MIS18BP1: variants seen among roughly 807,000 people sequenced by gnomAD.
MIS18BP1 encodes MIS18 binding protein 1.
Under a neutral mutation model 116.1 loss-of-function variants are expected in MIS18BP1, and 72 were observed. The ratio of observed to expected loss-of-function variants is 0.62; its 90% CI spans 0.51 to 0.75. The LOEUF (loss-of-function observed/expected upper bound fraction) is 0.75, where lower values mean the gene tolerates loss of function less well. MIS18BP1 is among the 30% of genes least tolerant of loss of function. MIS18BP1 has a pLI of 0.00. For missense variants in MIS18BP1, 1,363 were observed against 1,303.2 expected, an observed-to-expected ratio of 1.05 and a Z score of -0.71; for synonymous variants, 386 against 427.0, an observed-to-expected ratio of 0.90 and a Z score of 1.18.
chr14:45,233,874 A>T (rs74853049), intron 6 of MIS18BP1, among the ~76,000 whole-genome samples: 2,697 of 152,258 alleles, frequency 0.018, 93 homozygotes, highest in African/African-American at 0.061. Flanking sequence ...TGAATTGGGT[A>T]CTAAGGGGAG....
At chr14:45,225,402 G>T (rs576038072) in intron 10 of MIS18BP1, among the ~76,000 whole-genome samples, 77 of 151,620 alleles carry the variant, frequency 5.1e-4, no homozygotes, top group African/African-American at 1.7e-3. Flanking sequence ...TTTTTTGCTG[G>T]AGTTAGTACA....
At chr14:45,223,570 C>T (rs541107408) in intron 11 of MIS18BP1, among the ~76,000 whole-genome samples, 3 of 152,086 alleles carry the variant, frequency 2.0e-5, no homozygotes, top group African/African-American at 7.2e-5. Flanking sequence ...GGCGAGACTC[C>T]GTCTCAATCA....
In MIS18BP1 at chr14:45,246,814, A is replaced by G. The variant is rs2139249247; in HGVS notation, c.473T>C (p.Leu158Ser). 5.0e-6 allele frequency: 8 copies of G among 1,591,872 alleles called. No individual in the cohort carries two copies. The highest frequency in any genetic ancestry group is 6.8e-6 in the Non-Finnish European group (8 of 1,174,400). Residue 158 changes from leucine (L) to serine (S), a missense_variant, in exon 2 of 17, where the codon TTG becomes TCG. By Grantham distance (145) the Leu-to-Ser change is moderately radical. Transcript: ENST00000310806. Reference protein sequence around the residue: ...FTPNRVEKKKLQHTYLCEEKE... With the variant: ...FTPNRVEKKKSQHTYLCEEKE... Reference sequence around the variant, plus strand: ...TTCTTCACATAGGTAGGTATGCTGCAATTTTTTTTTTTCAACTCTGTTAGG... The same window carrying G: ...TTCTTCACATAGGTAGGTATGCTGCGATTTTTTTTTTTCAACTCTGTTAGG...
Position 45,242,864 on chromosome 14 carries a change from T to A in MIS18BP1, c.555A>T (p.Gln185His), listed in dbSNP as rs1891622249. 6.2e-7 allele frequency: 1 copy of A among 1,601,634 alleles called. No individual in the cohort carries two copies. Among genetic ancestry groups the A allele is most frequent in the African/African-American group, 1.3e-5 (1 of 74,294 alleles). ...SDDSSLRASV[Q>H]GVPLESSNND... ...TATTTGATGATTCTAGAGGAACTCCTTGGACTGAGGCTAAGGTTTTATTTT... is the reference window on the plus strand; with the variant it reads ...TATTTGATGATTCTAGAGGAACTCCATGGACTGAGGCTAAGGTTTTATTTT... The change falls in exon 3 of 17, where the codon CAA (glutamine) becomes CAT (histidine). Residue 185 changes from glutamine (Q) to histidine (H), a missense_variant. By Grantham distance (24) the Gln-to-His change is conservative (BLOSUM62 0). Coordinates refer to ENST00000310806, the MANE Select transcript of MIS18BP1 (RefSeq NM_018353.5).
chr14:45,212,019 T>C (rs1034688849), intron 13 of MIS18BP1, among the ~76,000 whole-genome samples: 1 of 152,174 alleles, frequency 6.6e-6, no homozygotes. Context: ...CTGTTTAGAC[T>C]TAGCTGTTGG....
intron 7 of MIS18BP1, among the ~76,000 whole-genome samples, chr14:45,231,982 CT>C (rs1336515345): frequency 1.3e-5 from 2 of 152,052 alleles, no homozygotes; most frequent in African/African-American, 2.4e-5. Context: ...AACTGCATGC[CT>C]TCTGAAGGGT....
At chr14:45,251,033 C>A (rs1891858705) in intron 1 of MIS18BP1, among the ~76,000 whole-genome samples, 1 of 128,022 alleles carries the variant, frequency 7.8e-6, no homozygotes, top group South Asian at 2.5e-4. Context: ...CAAGACTCTG[C>A]CTCAAAAAAA....
chr14:45,249,300 C>T (rs375613237), intron 1 of MIS18BP1, among the ~76,000 whole-genome samples: 2 of 152,118 alleles, frequency 1.3e-5, no homozygotes, highest in South Asian at 2.1e-4. Context: ...CCATATTGGT[C>T]AGGCTGGTCT....
At chr14:45,227,567 A>G (rs1310898070) in intron 9 of MIS18BP1, 96 bp downstream of exon 9, 3 of 1,015,246 alleles carry the variant, frequency 3.0e-6, no homozygotes, top group Non-Finnish European at 4.2e-6. Context: ...AAAAAAAAAC[A>G]GAACTCACGT....
At chr14:45,231,047 C>T (rs1424721419) in intron 8 of MIS18BP1, 94 bp downstream of exon 8, 7 of 1,315,558 alleles carry the variant, frequency 5.3e-6, no homozygotes, top group Non-Finnish European at 6.3e-6. Flanking sequence ...CTATACTATA[C>T]ACATTACTAC....
At chr14:45,222,588 AGG>A (rs1891004207) in intron 11 of MIS18BP1, among the ~76,000 whole-genome samples, 1 of 152,190 alleles carries the variant, frequency 6.6e-6, no homozygotes, top group Non-Finnish European at 1.5e-5. Flanking sequence ...CAGTGCTGTT[AGG>A]ATCTTCCTGT....
chr14:45,236,939 G>A (rs1206390252), intron 5 of MIS18BP1, among the ~76,000 whole-genome samples: 1 of 150,596 alleles, frequency 6.6e-6, no homozygotes, highest in African/African-American at 2.4e-5. Flanking sequence ...AAAGCAGACA[G>A]ATAAAGAATG....
chr14:45,223,081 C>CAA (rs951715575), intron 11 of MIS18BP1, among the ~76,000 whole-genome samples: 1 of 152,088 alleles, frequency 6.6e-6, no homozygotes, highest in Non-Finnish European at 1.5e-5. Context: ...CAAAACAAAA[C>CAA]AAAACAAAAC....
intron 2 of MIS18BP1, among the ~76,000 whole-genome samples, chr14:45,245,854 G>C (rs181667429): frequency 2.0e-5 from 3 of 152,210 alleles, no homozygotes; most frequent in Middle Eastern, 3.4e-3. Context: ...ATTCCAACTA[G>C]TTTTTTCCAA....
chr14:45,242,012 T>G, intron 4 of MIS18BP1, 22 bp downstream of exon 4: 1 of 1,563,890 alleles, frequency 6.4e-7, no homozygotes, highest in Non-Finnish European at 8.6e-7. Flanking sequence ...GAAATAAATA[T>G]CTGTCTTAAA....
chr14:45,227,807 C>A lies in MIS18BP1; in HGVS notation c.1602G>T (p.Lys534Asn), dbSNP rs760897703. 1.2e-6 allele frequency: 2 copies of A among 1,613,266 alleles called. No individual in the cohort carries two copies. Among genetic ancestry groups the A allele is most frequent in the Non-Finnish European group, 1.7e-6 (2 of 1,179,626 alleles). ...CTGGTGACTCACTGTGCTTATTACTCTTCAGTTCTATGAATACAAAGATGG... is the reference window on the plus strand; with the variant it reads ...CTGGTGACTCACTGTGCTTATTACTATTCAGTTCTATGAATACAAAGATGG... ...YDFDCDNLEL[K>N]SNKHSESPGA... The change falls in exon 9 of 17, where the codon AAG becomes AAT. Residue 534 changes from lysine (K) to asparagine (N), a missense_variant. Coordinates refer to ENST00000310806, the MANE Select transcript of MIS18BP1 (RefSeq NM_018353.5).
chr14:45,228,672 C>G (rs1431481826), intron 8 of MIS18BP1, among the ~76,000 whole-genome samples: 1 of 152,112 alleles, frequency 6.6e-6, no homozygotes, highest in African/African-American at 2.4e-5. Context: ...TGTTATTTTT[C>G]TAGAAGCTAT....
Position 45,224,746 on chromosome 14 carries a change from TCTTTA to T in MIS18BP1, c.1841-5_1841-1del. ...GGATACATCCAATTCTTCAGTTGTC[TCTTTA>T]ATTTCATAAGACAAAACCAAAGACC... On this transcript the variant is annotated splice_acceptor_variant and splice_polypyrimidine_tract_variant and intron_variant, in intron 10 of 16. Coordinates refer to ENST00000310806, the MANE Select transcript of MIS18BP1 (RefSeq NM_018353.5). LOFTEE classifies it high-confidence loss of function. 1 of 1,550,978 alleles carries T rather than the reference TCTTTA, an allele frequency of 6.4e-7. No individual in the cohort carries two copies. Among genetic ancestry groups the T allele is most frequent in the Non-Finnish European group, 8.7e-7 (1 of 1,155,226 alleles).
At chr14:45,223,200 ACT>A (rs1170193325) in intron 11 of MIS18BP1, among the ~76,000 whole-genome samples, 3 of 151,764 alleles carry the variant, frequency 2.0e-5, no homozygotes, top group East Asian at 3.9e-4. Flanking sequence ...TCCTCTTTAA[ACT>A]CTCTTTGTTA....
Sources: allele counts gnomAD v4.1 joint callset (sites outside exome capture counted in the v4.1 genomes callset), GRCh38; gene constraint gnomAD v4.1.1; transcripts MANE v1.5; gene names NCBI Gene and HGNC (gene_info 2026-07-23, HGNC 2026-07-21).